The following GINM1 variants were observed in gnomAD, a reference collection of about 807,000 sequenced individuals.
GINM1 encodes glycosylated integral membrane protein 1.
GINM1 carries 29 observed loss-of-function variants against 37.8 expected under a neutral mutation model. The ratio of observed to expected loss-of-function variants is 0.77; its 90% CI spans 0.57 to 1.05. GINM1 has a LOEUF of 1.05. GINM1 is among the 50% of genes least tolerant of loss of function. The probability of loss-of-function intolerance (pLI) is 0.00; values close to 1 mark genes in which losing one functional copy is unlikely to be tolerated. For missense variants in GINM1, 377 were observed against 397.9 expected (o/e 0.95, Z 0.45); for synonymous variants, 143 against 146.2 (o/e 0.98, Z 0.16).
At chr6:149,574,563 T>TA (rs1360063602) in intron 3 of GINM1, among the ~76,000 whole-genome samples, 1 of 152,226 alleles carries the variant, frequency 6.6e-6, no homozygotes, top group African/African-American at 2.4e-5. Flanking sequence ...GTAATTTTAC[T>TA]ATTCTTTTAG....
intron 1 of GINM1, among the ~76,000 whole-genome samples, chr6:149,569,337 C>CTTTTTTT (rs372296900): frequency 1.6e-5 from 2 of 123,866 alleles, no homozygotes; most frequent in Non-Finnish European, 3.3e-5. Context: ...CGCCCGGTCA[C>CTTTTTTT]TTTTTTTTTT....
intron 3 of GINM1, among the ~76,000 whole-genome samples, chr6:149,574,952 T>C (rs140952564): frequency 1.3e-5 from 2 of 152,342 alleles, no homozygotes; most frequent in East Asian, 3.9e-4. Context: ...AACACTTAAA[T>C]TCCATTTATT....
At chr6:149,579,736 G>GT (rs1236342274) in intron 4 of GINM1, 98 bp from the exon 5 acceptor site, 1 of 660,884 alleles carries the variant, frequency 1.5e-6, no homozygotes. Context: ...TAGGACACAT[G>GT]TTTTAGTTAT....
intron 3 of GINM1, among the ~76,000 whole-genome samples, chr6:149,574,217 A>G (rs557379819): frequency 5.9e-5 from 9 of 151,846 alleles, no homozygotes; most frequent in African/African-American, 2.2e-4. Flanking sequence ...TGCCCGGCTA[A>G]TTTTTGTATT....
chr6:149,584,891 C>T (rs552358691), intron 7 of GINM1, among the ~76,000 whole-genome samples: 1 of 151,816 alleles, frequency 6.6e-6, no homozygotes, highest in East Asian at 1.9e-4. Context: ...GAACTCTTGG[C>T]CTCAAGTTGT....
At chr6:149,572,744 C>G in intron 3 of GINM1, 141 bp downstream of exon 3, 1 of 633,510 alleles carries the variant, frequency 1.6e-6, no homozygotes, top group Non-Finnish European at 2.8e-6. Context: ...TCACTGCAAC[C>G]TCTACCTCCT....
At position 149,580,698 on chromosome 6, in the gene GINM1, G is replaced by A. The variant is rs759458853; in HGVS notation, c.692G>A (p.Arg231Lys). The A allele has an allele frequency of 1.9e-6, 3 of 1,613,726 alleles. No individual in the cohort carries two copies. Among genetic ancestry groups the A allele is most frequent in the African/African-American group, 1.3e-5 (1 of 75,024 alleles). ...GGCAAGTTACCTGAAACTCCTCTCAGAGCAGAGCCGCCATCTTCATATAAG... is the reference window on the plus strand; with the variant it reads ...GGCAAGTTACCTGAAACTCCTCTCAAAGCAGAGCCGCCATCTTCATATAAG... ...LPGKLPETPLRAEPPSSYKVM... is the reference protein window; with the variant it reads ...LPGKLPETPLKAEPPSSYKVM... The change falls in exon 6 of 8, where the codon AGA (arginine) becomes AAA (lysine). Residue 231 changes from arginine (R) to lysine (K), a missense_variant. Transcript: ENST00000367419.
intron 7 of GINM1, among the ~76,000 whole-genome samples, chr6:149,588,433 G>A (rs747352825): frequency 6.6e-6 from 1 of 152,108 alleles, no homozygotes; most frequent in Non-Finnish European, 1.5e-5. Flanking sequence ...CATATGTAAT[G>A]CACATTGCAG....
intron 1 of GINM1, among the ~76,000 whole-genome samples, chr6:149,570,197 T>TATATAA (rs1777796699): frequency 4.0e-5 from 4 of 100,630 alleles, no homozygotes; most frequent in Non-Finnish European, 8.1e-5. Context: ...TATATATATA[T>TATATAA]AAAGTTCAGT....
chr6:149,578,715 G>T, intron 3 of GINM1, 107 bp from the exon 4 acceptor site: 1 of 685,090 alleles, frequency 1.5e-6, no homozygotes. Context: ...CAAAGAAATG[G>T]GTTTTCAACT....
chr6:149,579,066 C>A, intron 4 of GINM1, 93 bp downstream of exon 4: 2 of 759,180 alleles, frequency 2.6e-6, no homozygotes, highest in Non-Finnish European at 4.1e-6. Context: ...TTGTTTCCGA[C>A]TTGATAAGGA....
In GINM1 at chr6:149,567,216, C is replaced by T. The variant is rs182167104; in HGVS notation, c.120+682C>T. On this transcript the variant is annotated intron_variant, in intron 1 of 7. Transcript: ENST00000367419. ...CTGATGCCAGCTGAGGTGGGAGAAT[C>T]GAGGCATCCTAACATTAAAACGTGG... 7.9e-4 allele frequency among the ~76,000 whole-genome samples: 120 copies of T among 152,284 alleles called. 1 individual carries two copies. The highest frequency in any genetic ancestry group is 2.7e-3 in the African/African-American group (114 of 41,562).
intron 7 of GINM1, among the ~76,000 whole-genome samples, chr6:149,582,949 A>G (rs367644894): frequency 2.0e-5 from 3 of 147,676 alleles, no homozygotes; most frequent in African/African-American, 7.8e-5. Flanking sequence ...TTCATGATGT[A>G]TTTTCAACCC....
chr6:149,579,942 T>C lies in GINM1; in HGVS notation c.538T>C (p.Ser180Pro). 1 of 1,610,794 alleles carries C rather than the reference T, an allele frequency of 6.2e-7. No homozygotes were observed. The highest frequency in any genetic ancestry group is 1.3e-5 in the African/African-American group (1 of 74,946). The change falls in exon 5 of 8, where the codon TCT (serine) becomes CCT (proline). Residue 180 changes from serine (S) to proline (P), a missense_variant. Coordinates refer to ENST00000367419, the MANE Select transcript of GINM1 (RefSeq NM_138785.5). ...PLEESMLYSI[S>P]RDSDILFTLP... Reference sequence around the variant, plus strand: ...GGAAGAAAGCATGCTCTACTCTATTTCTCGAGACAGTGACATTTTATTTAC... The same window carrying C: ...GGAAGAAAGCATGCTCTACTCTATTCCTCGAGACAGTGACATTTTATTTAC...
intron 1 of GINM1, among the ~76,000 whole-genome samples, chr6:149,570,049 T>A (rs1179588676): frequency 2.7e-5 from 4 of 149,986 alleles, no homozygotes; most frequent in Non-Finnish European, 5.9e-5. Context: ...AGAAAATAAT[T>A]TTGTTGTACT....
Position 149,582,579 on chromosome 6 carries a change from T to G in GINM1, c.857T>G (p.Val286Gly), listed in dbSNP as rs1356821011. 3 of 1,584,358 alleles carry G rather than the reference T, an allele frequency of 1.9e-6. No homozygotes were observed. Among genetic ancestry groups the G allele is most frequent in the Non-Finnish European group, 2.6e-6 (3 of 1,171,870 alleles). ...GAAVVITILKVFFPVSEYKGI... is the reference protein window; with the variant it reads ...GAAVVITILKGFFPVSEYKGI... ...GCTGTGGTAATAACCATCTTAAAGG[T>G]GTTTTTCCCAGTTTCTGAATACAAG... The change falls in exon 7 of 8, where the codon GTG becomes GGG. Residue 286 changes from valine (V) to glycine (G), a missense_variant. Physicochemically the swap from Val to Gly is moderately radical, Grantham distance 109. Coordinates refer to ENST00000367419, the MANE Select transcript of GINM1 (RefSeq NM_138785.5).
At chr6:149,587,037 C>T (rs1778079783) in intron 7 of GINM1, among the ~76,000 whole-genome samples, 1 of 152,124 alleles carries the variant, frequency 6.6e-6, no homozygotes. Flanking sequence ...ACCTTGGCTT[C>T]CCAAAGTTCT....
chr6:149,568,733 A>C (rs182910872), intron 1 of GINM1, among the ~76,000 whole-genome samples: 36 of 152,264 alleles, frequency 2.4e-4, no homozygotes, highest in Middle Eastern at 6.8e-3. Context: ...TCTTCCGATG[A>C]CTCAGATTTA....
intron 7 of GINM1, among the ~76,000 whole-genome samples, chr6:149,589,112 A>T (rs560469454): frequency 4.5e-4 from 66 of 147,074 alleles, no homozygotes; most frequent in East Asian, 8.1e-4. Flanking sequence ...CCATTTTTTT[A>T]AAAAAAATTT....
Sources: allele counts gnomAD v4.1 joint callset (sites outside exome capture counted in the v4.1 genomes callset), GRCh38; gene constraint gnomAD v4.1.1; transcripts MANE v1.5; gene names NCBI Gene and HGNC (gene_info 2026-07-23, HGNC 2026-07-21).